Variants in PTPRD observed in about 807,000 individuals in gnomAD.
PTPRD encodes the protein receptor-type tyrosine-protein phosphatase delta.
A neutral mutation model predicts 214.5 loss-of-function variants in PTPRD; 34 were observed. The observed-to-expected ratio is 0.16, with a 90% CI of 0.12 to 0.21. PTPRD has a LOEUF of 0.21. Ranked by LOEUF, PTPRD falls within the 10% of genes least tolerant of loss-of-function variation. The pLI, the probability that PTPRD is intolerant of heterozygous loss-of-function variation, is 1.00. For missense variants in PTPRD, 2,545 were observed against 2,398.7 expected, an observed-to-expected ratio of 1.06 and a Z score of -1.27; for synonymous variants, 1,128 against 845.7, an observed-to-expected ratio of 1.33 and a Z score of -5.79.
intron 11 of PTPRD, among the ~76,000 whole-genome samples, chr9:8,917,146 T>C (rs2098792276): frequency 1.3e-5 from 2 of 151,348 alleles, no homozygotes; most frequent in South Asian, 4.2e-4. Context: ...TTTTTTTTTT[T>C]TTTAGACAAA....
At chr9:9,828,010 G>A (rs908948591) in intron 5 of PTPRD, among the ~76,000 whole-genome samples, 1 of 152,156 alleles carries the variant, frequency 6.6e-6, no homozygotes, top group Non-Finnish European at 1.5e-5. Context: ...AACAACAGGT[G>A]CTGGAGAGGA....
chr9:8,938,526 T>C (rs1471465040), intron 11 of PTPRD, among the ~76,000 whole-genome samples: 1 of 152,134 alleles, frequency 6.6e-6, no homozygotes, highest in East Asian at 1.9e-4. Flanking sequence ...GGTTTGGGAA[T>C]ACATTTACCA....
In PTPRD at chr9:9,392,534, G is replaced by A. The variant is rs368788809; in HGVS notation, c.-203+4915C>T. 1.9e-4 allele frequency among the ~76,000 whole-genome samples: 29 copies of A among 152,224 alleles called. No homozygotes were observed. The South Asian group carries it at 5.4e-3, about 28-fold the overall frequency. On this transcript the variant is annotated intron_variant, in intron 9 of 45. Coordinates refer to ENST00000381196, the MANE Select transcript of PTPRD (RefSeq NM_002839.4). ...TGCAGATGTGTCCTTGCAAGAATGG[G>A]ATCCTATGTTAGGTCAAGAGTAGAA...
intron 12 of PTPRD, among the ~76,000 whole-genome samples, chr9:8,726,051 AC>A (rs2098553975): frequency 6.6e-6 from 1 of 152,044 alleles, no homozygotes; most frequent in African/African-American, 2.4e-5. Context: ...ACACACACAC[AC>A]ACACACACAC....
chr9:9,796,678 C>T (rs1270969367), intron 5 of PTPRD, among the ~76,000 whole-genome samples: 1 of 151,956 alleles, frequency 6.6e-6, no homozygotes, highest in African/African-American at 2.4e-5. Flanking sequence ...TAGGCAAGAA[C>T]TAGTAGAAAG....
chr9:8,890,375 G>A (rs2098528539), intron 11 of PTPRD, among the ~76,000 whole-genome samples: 1 of 152,172 alleles, frequency 6.6e-6, no homozygotes, highest in Admixed American at 6.5e-5. Flanking sequence ...CTATCTGGAT[G>A]TGTACAAGTG....
At chr9:8,629,227 AAGAATAATTATT>A (rs1293191370) in intron 14 of PTPRD, among the ~76,000 whole-genome samples, 7 of 151,994 alleles carry the variant, frequency 4.6e-5, no homozygotes, top group Middle Eastern at 3.4e-3. Flanking sequence ...TTATGTAAGT[AAGAATAATTATT>A]GATGTCTTTC....
chr9:8,447,253 C>A (rs2095767399), intron 34 of PTPRD, among the ~76,000 whole-genome samples: 1 of 152,144 alleles, frequency 6.6e-6, no homozygotes, highest in Admixed American at 6.5e-5. Context: ...TCTCTTATCT[C>A]ATTTTGTCTA....
In PTPRD at chr9:8,641,472, T is replaced by C. The variant is rs887391151; in HGVS notation, c.65-4628A>G. Among the ~76,000 whole-genome samples, 6 of 148,554 alleles carry C rather than the reference T, an allele frequency of 4.0e-5. 1 individual carries two copies. The highest frequency in any genetic ancestry group is 1.3e-4 in the African/African-American group (5 of 37,968). ...TTTGCAAAATGCATTTGTGCTCAAGTTGGTTTTGACAAGTGAGGAGTATGA... is the reference window on the plus strand; with the variant it reads ...TTTGCAAAATGCATTTGTGCTCAAGCTGGTTTTGACAAGTGAGGAGTATGA... On this transcript the variant is annotated intron_variant, in intron 12 of 45. Transcript: ENST00000381196.
At chr9:10,022,940 T>C (rs1289208445) in intron 4 of PTPRD, among the ~76,000 whole-genome samples, 3 of 152,206 alleles carry the variant, frequency 2.0e-5, no homozygotes, top group East Asian at 1.9e-4. Context: ...TCCAGAAACA[T>C]CTTATACTGG....
intron 8 of PTPRD, among the ~76,000 whole-genome samples, chr9:9,403,523 A>G (rs558083074): frequency 6.6e-6 from 1 of 152,010 alleles, no homozygotes; most frequent in African/African-American, 2.4e-5. Context: ...ATGCACTTCT[A>G]TAAAAAATGA....
Position 9,877,397 on chromosome 9 carries a change from C to G in PTPRD, c.-368+61110G>C, listed in dbSNP as rs1455752189. On this transcript the variant is annotated intron_variant, in intron 5 of 45. Coordinates refer to ENST00000381196, the MANE Select transcript of PTPRD (RefSeq NM_002839.4). ...AAGACTTCAAGCCACTTTTCCTCCA[C>G]TCTTTAGTCCAAGAGGAGAAACTTT... 3.3e-5 allele frequency among the ~76,000 whole-genome samples: 5 copies of G among 151,534 alleles called. No individual in the cohort carries two copies. The South Asian group carries it at 1.0e-3, about 31-fold the overall frequency.
Position 9,839,943 on chromosome 9 carries a change from G to T in PTPRD, c.-367-73092C>A, listed in dbSNP as rs149055366. Among the ~76,000 whole-genome samples the T allele has an allele frequency of 1.4e-4, 21 of 152,054 alleles. No homozygotes were observed. In the East Asian group the frequency reaches 3.1e-3, roughly 22 times the overall value. ...ACACACACACACAAGTTGAAAATTT[G>T]TATATATAAATAGTACTAAAAATAA... On this transcript the variant is annotated intron_variant, in intron 5 of 45. Coordinates refer to ENST00000381196, the MANE Select transcript of PTPRD (RefSeq NM_002839.4).
intron 8 of PTPRD, among the ~76,000 whole-genome samples, chr9:9,420,072 T>C (rs1458529610): frequency 1.4e-5 from 2 of 147,968 alleles, no homozygotes; most frequent in East Asian, 3.9e-4. Context: ...TAAACTGATC[T>C]TTTAAAATGC....
At chr9:8,350,444 G>C (rs879115439) in intron 39 of PTPRD, among the ~76,000 whole-genome samples, 1 of 152,092 alleles carries the variant, frequency 6.6e-6, no homozygotes, top group Admixed American at 6.5e-5. Flanking sequence ...CTATCATAAT[G>C]GTATATGAAC....
At chr9:8,767,038 A>C (rs76523504) in intron 11 of PTPRD, among the ~76,000 whole-genome samples, 169 of 152,338 alleles carry the variant, frequency 1.1e-3, no homozygotes, top group African/African-American at 3.8e-3. Flanking sequence ...GAAAAAGAGA[A>C]ATAGATAATG....
intron 3 of PTPRD, among the ~76,000 whole-genome samples, chr9:10,131,746 A>C (rs1243082398): frequency 6.6e-6 from 1 of 152,120 alleles, no homozygotes; most frequent in Non-Finnish European, 1.5e-5. Flanking sequence ...TAATGGTAGA[A>C]AGTCATGGAA....
chr9:9,183,375 G>A lies in PTPRD; in HGVS notation c.-202-12C>T, dbSNP rs1469090197. On this transcript the variant is annotated splice_polypyrimidine_tract_variant and intron_variant, in intron 9 of 45. Transcript: ENST00000381196. ...AAGAAGTTCAAAACCTAATTATAAAGATAGAAAGTAACAATTATTTAAAAA... is the reference window on the plus strand; with the variant it reads ...AAGAAGTTCAAAACCTAATTATAAAAATAGAAAGTAACAATTATTTAAAAA... 2.6e-5 allele frequency: 4 copies of A among 151,858 alleles called. No individual in the cohort carries two copies. Among genetic ancestry groups the A allele is most frequent in the African/African-American group, 7.2e-5 (3 of 41,404 alleles). The allele number at this position is 151,858 out of a possible 1,614,324, so 9.4% of individuals were successfully genotyped here.
chr9:8,659,253 G>A (rs978067689), intron 12 of PTPRD, among the ~76,000 whole-genome samples: 1 of 152,306 alleles, frequency 6.6e-6, no homozygotes, highest in East Asian at 1.9e-4. Context: ...TGAATGCTGA[G>A]ACACTTTGGC....
Sources: allele counts gnomAD v4.1 joint callset (sites outside exome capture counted in the v4.1 genomes callset), GRCh38; gene constraint gnomAD v4.1.1; transcripts MANE v1.5; gene names NCBI Gene and HGNC (gene_info 2026-07-23, HGNC 2026-07-21).